The following GLIS3 variants were observed in gnomAD, a reference collection of about 807,000 sequenced individuals.
The protein encoded by GLIS3 is zinc finger protein GLIS3.
Under a neutral mutation model 78.6 loss-of-function variants are expected in GLIS3, and 53 were observed. That is an observed-to-expected ratio of 0.67 (90% CI 0.54 to 0.85). The LOEUF (loss-of-function observed/expected upper bound fraction) is 0.85, where lower values mean the gene tolerates loss of function less well. Among genes scored for constraint, GLIS3 ranks in the 40% least tolerant of loss-of-function variants. The probability of loss-of-function intolerance (pLI) is 0.00; values close to 1 mark genes in which losing one functional copy is unlikely to be tolerated. For synonymous variants in GLIS3, 684 were observed against 509.9 expected (o/e 1.34, Z -4.60); for missense variants, 1,703 against 1,231.1 (o/e 1.38, Z -5.74).
At chr9:4,488,543 G>A in the GLIS3 span, among the ~76,000 whole-genome samples, 1 of 151,450 alleles carries the variant, frequency 6.6e-6, no homozygotes, top group Admixed American at 6.6e-5. Context: ...TTATGAGACA[G>A]GGTTTCCCTC....
chr9:4,478,769 G>T, the GLIS3 span, among the ~76,000 whole-genome samples: 1 of 152,192 alleles, frequency 6.6e-6, no homozygotes, highest in South Asian at 2.1e-4. Flanking sequence ...ATATGCAGAA[G>T]AAATGTTAGA....
At chr9:4,011,562 T>C (rs940163608) in intron 4 of GLIS3, among the ~76,000 whole-genome samples, 3 of 152,146 alleles carry the variant, frequency 2.0e-5, no homozygotes, top group African/African-American at 7.2e-5. Context: ...GGGTCTAGAA[T>C]ACAAAGCTGC....
At chr9:3,830,206 C>A (rs1817966164) in intron 9 of GLIS3, among the ~76,000 whole-genome samples, 1 of 148,396 alleles carries the variant, frequency 6.7e-6, no homozygotes, top group Non-Finnish European at 1.5e-5. Context: ...CTATTCCTTT[C>A]AATTTTTTTT....
chr9:4,274,490 T>C (rs1299174614), intron 2 of GLIS3, among the ~76,000 whole-genome samples: 3 of 151,996 alleles, frequency 2.0e-5, no homozygotes, highest in Admixed American at 2.0e-4. Context: ...CACTCCACCT[T>C]CCTCATACCC....
intron 9 of GLIS3, among the ~76,000 whole-genome samples, chr9:3,831,420 A>C (rs1818037867): frequency 6.6e-6 from 1 of 152,234 alleles, no homozygotes; most frequent in Non-Finnish European, 1.5e-5. Flanking sequence ...ACAATGATAA[A>C]ATGTCACATT....
intron 4 of GLIS3, among the ~76,000 whole-genome samples, chr9:4,097,977 C>T (rs960501130): frequency 6.6e-6 from 1 of 152,182 alleles, no homozygotes; most frequent in African/African-American, 2.4e-5. Context: ...TGTCATATTA[C>T]TCTTACAGTT....
chr9:4,172,675 G>C (rs1816476159), intron 2 of GLIS3, among the ~76,000 whole-genome samples: 1 of 152,144 alleles, frequency 6.6e-6, no homozygotes, highest in Admixed American at 6.5e-5. Context: ...TAGTACAAAA[G>C]GGCTTTGCCT....
the GLIS3 span, among the ~76,000 whole-genome samples, chr9:4,445,481 A>G: frequency 6.6e-6 from 1 of 152,062 alleles, no homozygotes. Context: ...ACAAATAAAA[A>G]TAATTAGCTA....
chr9:4,049,284 C>T (rs990482056), intron 4 of GLIS3, among the ~76,000 whole-genome samples: 1 of 152,164 alleles, frequency 6.6e-6, no homozygotes. Flanking sequence ...TGCCTTGATA[C>T]CTAAGATCCC....
chr9:4,021,536 A>C (rs1373941702), intron 4 of GLIS3, among the ~76,000 whole-genome samples: 1 of 152,154 alleles, frequency 6.6e-6, no homozygotes, highest in Non-Finnish European at 1.5e-5. Flanking sequence ...AGGCTTGGGT[A>C]AATTCTCTTT....
At chr9:3,963,939 C>T (rs546610045) in intron 4 of GLIS3, among the ~76,000 whole-genome samples, 9 of 152,184 alleles carry the variant, frequency 5.9e-5, no homozygotes, top group East Asian at 3.9e-4. Context: ...TATATTCCAC[C>T]GGTTAAACTG....
chr9:4,102,535 G>A (rs952423621), intron 4 of GLIS3, among the ~76,000 whole-genome samples: 3 of 152,136 alleles, frequency 2.0e-5, no homozygotes, highest in Non-Finnish European at 4.4e-5. Flanking sequence ...TACAGAAGGT[G>A]CTATCGGCAT....
At chr9:4,068,848 G>C (rs750684344) in intron 4 of GLIS3, among the ~76,000 whole-genome samples, 25 of 143,380 alleles carry the variant, frequency 1.7e-4, no homozygotes, top group African/African-American at 7.2e-4. Context: ...GTGTGTGTGT[G>C]TGTGTGTGTT....
chr9:4,047,678 A>G (rs1366053864), intron 4 of GLIS3, among the ~76,000 whole-genome samples: 1 of 152,186 alleles, frequency 6.6e-6, no homozygotes, highest in African/African-American at 2.4e-5. Context: ...AAACTGTAAT[A>G]TAACGATGTC....
At chr9:4,405,272 T>G in the GLIS3 span, among the ~76,000 whole-genome samples, 1 of 151,666 alleles carries the variant, frequency 6.6e-6, no homozygotes, top group African/African-American at 2.4e-5. Flanking sequence ...GAGAATCACT[T>G]GAACCCAGGC....
Position 4,281,463 on chromosome 9 carries a change from G to A in GLIS3, c.388+4575C>T, listed in dbSNP as rs180940591. On this transcript the variant is annotated intron_variant, in intron 2 of 10. Coordinates refer to ENST00000381971, the MANE Select transcript of GLIS3 (RefSeq NM_001042413.2). Reference sequence around the variant, plus strand: ...CATGCCCCCTTCTCCCCAACTCCCAGCAACCACCACTCTTTCTGACTATAT... The same window carrying A: ...CATGCCCCCTTCTCCCCAACTCCCAACAACCACCACTCTTTCTGACTATAT... Among the ~76,000 whole-genome samples, 1,319 of 152,104 alleles carry A rather than the reference G, an allele frequency of 8.7e-3. 22 individuals are homozygous for A. The highest frequency in any genetic ancestry group is 0.03 in the African/African-American group (1,253 of 41,478).
At chr9:4,276,662 A>G (rs10116981) in intron 2 of GLIS3, among the ~76,000 whole-genome samples, 152,026 of 152,308 alleles carry the variant, frequency 1, 75,873 homozygotes, top group East Asian at 1. Flanking sequence ...TACTAATGGA[A>G]TAGATTCTTT....
In GLIS3 at chr9:3,879,529, TGTGGGG is replaced by T; in HGVS notation, c.2189_2194del (p.Pro730_Pro731del). The stretch of plus-strand genomic sequence containing the variant: ...TCCTGGAGAAGGGTGACTGACAGGA[TGTGGGG>T]GTGGTACGGCCCCAGCAGCTGTTCC... On this transcript the variant is annotated inframe_deletion, in exon 8 of 11. Transcript: ENST00000381971. 3.7e-6 allele frequency: 6 copies of T among 1,614,068 alleles called. No homozygotes were observed. Among genetic ancestry groups the T allele is most frequent in the Non-Finnish European group, 5.1e-6 (6 of 1,179,992 alleles).
At chr9:3,925,487 T>A (rs1020189919) in intron 6 of GLIS3, among the ~76,000 whole-genome samples, 1 of 152,188 alleles carries the variant, frequency 6.6e-6, no homozygotes, top group Admixed American at 6.5e-5. Context: ...CTGTGTGAAG[T>A]GTTCTCCCCA....
Sources: gnomAD v4.1 joint callset for allele counts (sites outside exome capture counted in the v4.1 genomes callset) on GRCh38, gnomAD v4.1.1 for gene constraint, MANE v1.5 for transcripts, NCBI Gene and HGNC (gene_info 2026-07-23, HGNC 2026-07-21) for gene names.